The following RHOU variants were observed in gnomAD, a reference collection of about 807,000 sequenced individuals.
The protein encoded by RHOU is rho-related GTP-binding protein RhoU.
Under a neutral mutation model 12.6 loss-of-function variants are expected in RHOU, and 8 were observed. The ratio of observed to expected loss-of-function variants is 0.64; its 90% confidence interval spans 0.37 to 1.15. RHOU has a LOEUF of 1.15. Among genes scored for constraint, RHOU ranks in the 50% most tolerant of loss-of-function variants. RHOU has a pLI of 0.01. For missense variants in RHOU, 258 were observed against 347.0 expected, an observed-to-expected ratio of 0.74 and a Z score of 2.04; for synonymous variants, 161 against 147.4, an observed-to-expected ratio of 1.09 and a Z score of -0.67.
At chr1:228,713,927 A>C in the RHOU span, among the ~76,000 whole-genome samples, 1 of 152,034 alleles carries the variant, frequency 6.6e-6, no homozygotes, top group East Asian at 1.9e-4. Context: ...TGTGTGGAGA[A>C]ATCCCCACAC....
At chr1:228,707,184 T>TATATATATATAC in the RHOU span, among the ~76,000 whole-genome samples, 2 of 86,264 alleles carry the variant, frequency 2.3e-5, no homozygotes, top group African/African-American at 1.4e-4. Context: ...ATTAACAAAA[T>TATATATATATAC]ATATATATAT....
At chr1:228,711,385 G>A in the RHOU span, among the ~76,000 whole-genome samples, 10 of 152,200 alleles carry the variant, frequency 6.6e-5, no homozygotes, top group African/African-American at 1.7e-4. Context: ...AGCTGGAGGC[G>A]TCACACTACT....
chr1:228,699,059 T>TTACA, the RHOU span, among the ~76,000 whole-genome samples: 1 of 152,090 alleles, frequency 6.6e-6, no homozygotes, highest in Non-Finnish European at 1.5e-5. Context: ...AGAGTTTGGT[T>TTACA]ATCCTCAGTC....
the RHOU span, among the ~76,000 whole-genome samples, chr1:228,707,105 CATATATATATATATATATATACATATAT>C: frequency 5.6e-5 from 4 of 70,844 alleles, 1 homozygote; most frequent in Admixed American, 1.7e-4. Context: ...TATATACATA[CATATATATATATATATATATACATATAT>C]ATATATATAT....
chr1:228,686,288 G>A, the RHOU span, among the ~76,000 whole-genome samples: 1 of 152,056 alleles, frequency 6.6e-6, no homozygotes, highest in African/African-American at 2.4e-5. Context: ...TACTCAATGT[G>A]TTTTATTAAC....
the RHOU span, among the ~76,000 whole-genome samples, chr1:228,695,618 T>A: frequency 4.5e-4 from 69 of 152,170 alleles, no homozygotes; most frequent in Non-Finnish European, 9.1e-4. Context: ...GAACTCAGTT[T>A]ACAGGTTCAT....
chr1:228,728,378 A>T, the RHOU span, among the ~76,000 whole-genome samples: 2 of 152,178 alleles, frequency 1.3e-5, no homozygotes, highest in Non-Finnish European at 2.9e-5. Flanking sequence ...ATTCTGCAGA[A>T]CCAGTTCAGT....
At chr1:228,651,922 G>A in the RHOU span, among the ~76,000 whole-genome samples, 1 of 152,188 alleles carries the variant, frequency 6.6e-6, no homozygotes, top group Non-Finnish European at 1.5e-5. Flanking sequence ...ACCCTGAAAT[G>A]TTTTTTACAT....
chr1:228,698,720 C>A, the RHOU span, among the ~76,000 whole-genome samples: 5 of 152,160 alleles, frequency 3.3e-5, no homozygotes, highest in Non-Finnish European at 7.4e-5. Flanking sequence ...AGGAGTGGAC[C>A]AATGTTTTGT....
the RHOU span, among the ~76,000 whole-genome samples, chr1:228,724,843 T>C: frequency 1.3e-5 from 2 of 152,194 alleles, no homozygotes; most frequent in Non-Finnish European, 2.9e-5. Flanking sequence ...GCATGGGTGC[T>C]CTTTCATTAT....
At position 228,735,715 on chromosome 1, in the gene RHOU, G is replaced by T; in HGVS notation, c.-28G>T. 8.3e-7 allele frequency: 1 copy of T among 1,199,594 alleles called. No homozygotes were observed. Among genetic ancestry groups the T allele is most frequent in the South Asian group, 4.2e-5 (1 of 24,028 alleles). The allele number at this position is 1,199,594 out of a possible 1,614,324, so 74.3% of individuals were successfully genotyped here. On this transcript the variant is annotated 5_prime_UTR_variant, in exon 1 of 3. Transcript: ENST00000366691. This position sits in a 1 kb window ranked among gnomAD's most constrained non-coding sequence, Gnocchi z 8.1. Reference sequence around the variant, plus strand: ...CGGTCGGGCCGGGCCCTGCTAGCCCGCGACCGCAAGCCCGCGCTCGCGGAT... The same window carrying T: ...CGGTCGGGCCGGGCCCTGCTAGCCCTCGACCGCAAGCCCGCGCTCGCGGAT...
Position 228,744,109 on chromosome 1 carries a change from G to A in RHOU, c.*369G>A. The stretch of plus-strand genomic sequence containing the variant: ...GAAGAGCAAAAGGGAGGAACACTAT[G>A]GTTAACCCTCTCTTGATTAAGGGCT... On this transcript the variant is annotated 3_prime_UTR_variant, in exon 3 of 3. Coordinates refer to ENST00000366691, the MANE Select transcript of RHOU (RefSeq NM_021205.6). 5.0e-6 allele frequency: 1 copy of A among 198,764 alleles called. No individual in the cohort carries two copies. Among genetic ancestry groups the A allele is most frequent in the South Asian group, 9.7e-5 (1 of 10,336 alleles). The allele number at this position is 198,764 out of a possible 1,614,324, so 12.3% of individuals were successfully genotyped here. A position where few individuals can be genotyped will look rare whatever the true frequency, so the allele number is the denominator to read the frequency against.
the RHOU span, among the ~76,000 whole-genome samples, chr1:228,651,652 C>A: frequency 6.6e-6 from 1 of 152,226 alleles, no homozygotes; most frequent in Non-Finnish European, 1.5e-5. Flanking sequence ...CCAGTCCTTG[C>A]ACCTCAAAGT....
At chr1:228,657,416 T>C in the RHOU span, among the ~76,000 whole-genome samples, 1 of 147,400 alleles carries the variant, frequency 6.8e-6, no homozygotes. Context: ...CAAAATCAAA[T>C]AGGTTTACAT....
chr1:228,647,134 A>G, the RHOU span, among the ~76,000 whole-genome samples: 1 of 152,026 alleles, frequency 6.6e-6, no homozygotes, highest in African/African-American at 2.4e-5. Context: ...AATAGGGTGG[A>G]GGGGTTTGAG....
At chr1:228,649,832 T>A in the RHOU span, among the ~76,000 whole-genome samples, 1 of 152,368 alleles carries the variant, frequency 6.6e-6, no homozygotes, top group South Asian at 2.1e-4. Flanking sequence ...CACTAGATCT[T>A]CTTTCAGTTA....
chr1:228,740,196 C>CA (rs892730168), intron 2 of RHOU, among the ~76,000 whole-genome samples: 4 of 152,002 alleles, frequency 2.6e-5, no homozygotes, highest in Non-Finnish European at 4.4e-5. Context: ...TATTTTTGCA[C>CA]AAAAAAGTTT....
the RHOU span, among the ~76,000 whole-genome samples, chr1:228,683,510 G>C: frequency 7.0e-4 from 106 of 152,038 alleles, no homozygotes; most frequent in Non-Finnish European, 1.4e-3. Context: ...TTTTCCATTT[G>C]GGAAATATAC....
the RHOU span, among the ~76,000 whole-genome samples, chr1:228,671,999 T>C: frequency 1.3e-5 from 2 of 152,250 alleles, no homozygotes; most frequent in African/African-American, 4.8e-5. Context: ...GAGTCAGCCA[T>C]GTTTATGTAA....
Sources: gnomAD v4.1 joint callset for allele counts (sites outside exome capture counted in the v4.1 genomes callset) on GRCh38, gnomAD v4.1.1 for gene constraint, Gnocchi (gnomAD v3.1) non-coding constraint, MANE v1.5 for transcripts, NCBI Gene and HGNC (gene_info 2026-07-23, HGNC 2026-07-21) for gene names.